Variants in WWTR1 observed in about 807,000 individuals in gnomAD.
WWTR1 encodes the protein WW domain containing transcription regulator 1, also known as WW domain-containing transcription regulator protein 1.
In WWTR1, 13 loss-of-function variants were observed where a neutral mutation model predicts 40.1. The observed-to-expected ratio is 0.32, with a 90% CI of 0.21 to 0.52. WWTR1 has a LOEUF of 0.52. Among genes scored for constraint, WWTR1 ranks in the 20% least tolerant of loss-of-function variants. The probability of loss-of-function intolerance (pLI) is 0.97; values close to 1 mark genes in which losing one functional copy is unlikely to be tolerated. For synonymous variants in WWTR1, 230 were observed against 210.1 expected (o/e 1.09, Z -0.82); for missense variants, 436 against 523.1 (o/e 0.83, Z 1.63).
intron 2 of WWTR1, among the ~76,000 whole-genome samples, chr3:149,666,922 C>T (rs1485846133): frequency 1.3e-5 from 2 of 152,064 alleles, no homozygotes; most frequent in Non-Finnish European, 1.5e-5. Flanking sequence ...GGCATTTTTC[C>T]TCCACTGACT....
chr3:149,532,978 C>G (rs981454100), intron 4 of WWTR1, among the ~76,000 whole-genome samples: 1 of 152,242 alleles, frequency 6.6e-6, no homozygotes, highest in African/African-American at 2.4e-5. Flanking sequence ...CGCTGAGCAT[C>G]GGTGGTGCAG....
At position 149,571,358 on chromosome 3, in the gene WWTR1, A is replaced by G. The variant is rs79984155; in HGVS notation, c.568+1506T>C. The stretch of plus-strand genomic sequence containing the variant: ...ATTAAATGGTTAAACAAACTGTAAA[A>G]ACCAGTCTAATGCCACCTAATTTGG... On this transcript the variant is annotated intron_variant, in intron 3 of 6. Transcript: ENST00000360632. Among the ~76,000 whole-genome samples, 610 of 152,116 alleles carry G rather than the reference A, an allele frequency of 4.0e-3. 6 individuals carry two copies. The highest frequency in any genetic ancestry group is 0.014 in the African/African-American group (574 of 41,518).
chr3:149,642,515 CCTGT>C (rs1712232157), intron 2 of WWTR1, among the ~76,000 whole-genome samples: 1 of 152,040 alleles, frequency 6.6e-6, no homozygotes, highest in Non-Finnish European at 1.5e-5. Context: ...GTGGCTCACG[CCTGT>C]AATCCCAGCA....
At chr3:149,607,854 G>A (rs1739557438) in intron 2 of WWTR1, among the ~76,000 whole-genome samples, 1 of 152,164 alleles carries the variant, frequency 6.6e-6, no homozygotes, top group African/African-American at 2.4e-5. Context: ...GATTTCCCAA[G>A]AGATAACTGA....
chr3:149,593,730 G>A (rs1738842304), intron 2 of WWTR1, among the ~76,000 whole-genome samples: 1 of 152,216 alleles, frequency 6.6e-6, no homozygotes, highest in Non-Finnish European at 1.5e-5. Flanking sequence ...CAATTCTAGG[G>A]AAGCAGGGGG....
chr3:149,721,903 G>GAGATTCAA (rs1437491419), intron 4 of WWTR1, among the ~76,000 whole-genome samples: 8 of 152,136 alleles, frequency 5.3e-5, no homozygotes, highest in African/African-American at 1.9e-4. Context: ...TCTTTTATAA[G>GAGATTCAA]AGATTCAACT....
intron 2 of WWTR1, among the ~76,000 whole-genome samples, chr3:149,580,739 A>G (rs926025317): frequency 1.3e-5 from 2 of 152,116 alleles, no homozygotes; most frequent in African/African-American, 2.4e-5. Flanking sequence ...TAGCCTCCCA[A>G]GTAGCTGGGA....
At position 149,527,840 on chromosome 3, in the gene WWTR1, T is replaced by G; in HGVS notation, c.901A>C (p.Asn301His). The G allele has an allele frequency of 6.2e-7, 1 of 1,613,926 alleles. No individual in the cohort carries two copies. The highest frequency in any genetic ancestry group is 8.5e-7 in the Non-Finnish European group (1 of 1,179,974). The change falls in exon 5 of 7, where the codon AAT becomes CAT. Residue 301 changes from asparagine to histidine, a missense_variant. By Grantham distance (68) the Asn-to-His change is moderately conservative. Transcript: ENST00000360632. ...GGCCCCCAAATATTAACTTACCCAT[T>G]GAGGAAAGGATCTGAGCTATTATTA... ...ITNNSSDPFL[N>H]GGPYHSREQS...
rs5853436 is a variant in WWTR1 at position 149,676,451 on chromosome 3, G to GT, written c.-107-6561dup. Among the ~76,000 whole-genome samples, 29 of 151,726 alleles carry GT rather than the reference G, an allele frequency of 1.9e-4. No individual in the cohort carries two copies. In the East Asian group the frequency reaches 4.1e-3, roughly 21 times the overall value. ...ATCCTTGTCAGACTAGATTCTTTGT[G>GT]TTTTTTTTGCGGAAAGAAGGAACAA... On this transcript the variant is annotated intron_variant, in intron 1 of 7. Coordinates refer to the WWTR1 transcript ENST00000465804.
Position 149,599,246 on chromosome 3 carries a change from T to G in WWTR1, c.432-26246A>C, listed in dbSNP as rs181033029. 1.2e-4 allele frequency among the ~76,000 whole-genome samples: 18 copies of G among 152,356 alleles called. No homozygotes were observed. The East Asian group carries it at 3.1e-3, about 26-fold the overall frequency. The stretch of plus-strand genomic sequence containing the variant: ...CAATGGGTCCAATTAGCAAATGGAT[T>G]GTTCTTGGACCTTCTGCTAGTCTCA... On this transcript the variant is annotated intron_variant, in intron 2 of 6. Transcript: ENST00000360632.
intron 2 of WWTR1, among the ~76,000 whole-genome samples, chr3:149,608,773 T>G (rs1185987853): frequency 2.0e-5 from 3 of 151,894 alleles, no homozygotes; most frequent in Non-Finnish European, 4.4e-5. Flanking sequence ...AACGTTAAGA[T>G]CAGTCAAGTG....
At chr3:149,669,197 C>A (rs1425162652) in intron 2 of WWTR1, among the ~76,000 whole-genome samples, 4 of 152,156 alleles carry the variant, frequency 2.6e-5, no homozygotes, top group Admixed American at 1.3e-4. Context: ...CCCACATATA[C>A]AAGAACAATA....
chr3:149,619,914 A>G (rs563836648), intron 2 of WWTR1, among the ~76,000 whole-genome samples: 1 of 152,226 alleles, frequency 6.6e-6, no homozygotes, highest in South Asian at 2.1e-4. Flanking sequence ...ATCGATTTCT[A>G]AATTTTGTTT....
At chr3:149,605,058 G>C (rs766355920) in intron 2 of WWTR1, among the ~76,000 whole-genome samples, 2 of 152,196 alleles carry the variant, frequency 1.3e-5, no homozygotes, top group Non-Finnish European at 2.9e-5. Context: ...GACAGAAGGA[G>C]CAGCACTAAA....
intron 3 of WWTR1, among the ~76,000 whole-genome samples, chr3:149,554,648 G>C (rs1736743571): frequency 6.7e-6 from 1 of 150,224 alleles, no homozygotes; most frequent in South Asian, 2.1e-4. Context: ...GGGAAGTCTA[G>C]GGAAAAAAAA....
chr3:149,670,288 C>A (rs1000475983), intron 1 of WWTR1, among the ~76,000 whole-genome samples: 1 of 152,196 alleles, frequency 6.6e-6, no homozygotes, highest in African/African-American at 2.4e-5. Flanking sequence ...CACAGGCTGA[C>A]TTCTCCATTT....
At chr3:149,679,065 C>A (rs4681545) in intron 1 of WWTR1, among the ~76,000 whole-genome samples, 62,648 of 151,928 alleles carry the variant, frequency 0.41, 13,011 homozygotes, top group Middle Eastern at 0.57. Flanking sequence ...TCCTGACCTC[C>A]GGTGATCTGC....
chr3:149,580,942 A>G lies in WWTR1; in HGVS notation c.432-7942T>C, dbSNP rs1738129072. Among the ~76,000 whole-genome samples, 3 of 152,218 alleles carry G rather than the reference A, an allele frequency of 2.0e-5. No individual in the cohort carries two copies. In the South Asian group the frequency reaches 6.2e-4, roughly 32 times the overall value. ...ATTAAGATTAGTAGCCATCCAGTACATTGATCTCCTCTGCTTAACGTTATC... is the reference window on the plus strand; with the variant it reads ...ATTAAGATTAGTAGCCATCCAGTACGTTGATCTCCTCTGCTTAACGTTATC... On this transcript the variant is annotated intron_variant, in intron 2 of 6. Coordinates refer to ENST00000360632, the MANE Select transcript of WWTR1 (RefSeq NM_015472.6).
rs1313475719 is a variant in WWTR1, at chr3:149,524,108, G to C, written c.1018+1905C>G. ...GTGAGCATATCACTCCCACTTTATGGGTGAGAAATCTGAGGCTCACGGAGG... is the reference window on the plus strand; with the variant it reads ...GTGAGCATATCACTCCCACTTTATGCGTGAGAAATCTGAGGCTCACGGAGG... On this transcript the variant is annotated intron_variant, in intron 6 of 6. Coordinates refer to ENST00000360632, the MANE Select transcript of WWTR1 (RefSeq NM_015472.6). Among the ~76,000 whole-genome samples the C allele has an allele frequency of 4.6e-5, 7 of 152,254 alleles. No individual in the cohort carries two copies. The East Asian group carries it at 1.4e-3, about 29-fold the overall frequency.
Sources: gnomAD v4.1 joint callset for allele counts (sites outside exome capture counted in the v4.1 genomes callset) on GRCh38, gnomAD v4.1.1 for gene constraint, MANE v1.5 for transcripts, NCBI Gene and HGNC (gene_info 2026-07-23, HGNC 2026-07-21) for gene names.